TRPM7: variants seen among roughly 807,000 people sequenced by gnomAD.
TRPM7 encodes transient receptor potential cation channel subfamily M member 7.
Under a neutral mutation model 229.7 loss-of-function variants are expected in TRPM7, and 134 were observed. That is an observed-to-expected ratio of 0.58 (90% confidence interval 0.51 to 0.67). The LOEUF (loss-of-function observed/expected upper bound fraction) is 0.67. TRPM7 is among the 30% of genes least tolerant of loss of function. The pLI, the probability that TRPM7 is intolerant of heterozygous loss-of-function variation, is 0.00. For synonymous variants in TRPM7, 699 were observed against 715.2 expected (o/e 0.98, Z 0.36); for missense variants, 1,901 against 2,210.0 (o/e 0.86, Z 2.80).
intron 9 of TRPM7, 44 bp from the exon 10 acceptor site, chr15:50,631,533 A>T: frequency 7.5e-7 from 1 of 1,340,762 alleles, no homozygotes; most frequent in Non-Finnish European, 1.1e-6. Context: ...TATATTTTTA[A>T]AACAAAGGCA....
chr15:50,566,515 G>A (rs2053605524), intron 38 of TRPM7, among the ~76,000 whole-genome samples: 1 of 152,016 alleles, frequency 6.6e-6, no homozygotes, highest in Non-Finnish European at 1.5e-5. Context: ...GGCCAACATG[G>A]TGAAACCCTG....
chr15:50,581,217 GGCCGGGTACGGTGGCTCAC>G (rs1337954594), intron 29 of TRPM7, among the ~76,000 whole-genome samples: 3 of 151,930 alleles, frequency 2.0e-5, no homozygotes, highest in Non-Finnish European at 4.4e-5. Context: ...ATATATTTGT[GGCCGGGTACGGTGGCTCAC>G]ACCTATAATC....
intron 1 of TRPM7, among the ~76,000 whole-genome samples, chr15:50,685,205 G>A (rs2062330052): frequency 6.6e-6 from 1 of 152,222 alleles, no homozygotes; most frequent in Non-Finnish European, 1.5e-5. Flanking sequence ...GCTCACGCCT[G>A]TAATCCCAGG....
chr15:50,621,226 C>A (rs896996628), intron 12 of TRPM7, among the ~76,000 whole-genome samples: 2 of 151,134 alleles, frequency 1.3e-5, no homozygotes, highest in African/African-American at 4.9e-5. Context: ...GTTCTCTCTG[C>A]CAATTCTCCC....
At chr15:50,654,360 T>C (rs991076824) in intron 3 of TRPM7, among the ~76,000 whole-genome samples, 10 of 151,020 alleles carry the variant, frequency 6.6e-5, no homozygotes, top group African/African-American at 1.9e-4. Flanking sequence ...GGCAGGAGAA[T>C]TGCTTGAACC....
At chr15:50,587,247 ATCTATATGC>A (rs1284224944) in intron 27 of TRPM7, among the ~76,000 whole-genome samples, 1 of 152,050 alleles carries the variant, frequency 6.6e-6, no homozygotes, top group East Asian at 1.9e-4. Flanking sequence ...CAACAAGGTT[ATCTATATGC>A]TCACTATTTT....
chr15:50,606,940 C>A (rs2059932746), intron 20 of TRPM7, among the ~76,000 whole-genome samples: 13 of 151,884 alleles, frequency 8.6e-5, no homozygotes, highest in Non-Finnish European at 1.5e-5. Flanking sequence ...AACAAACAAA[C>A]AAAATACAGG....
At position 50,635,872 on chromosome 15, in the gene TRPM7, G is replaced by A. The variant is rs78216800; in HGVS notation, c.833-1316C>T. Among the ~76,000 whole-genome samples, 319 of 151,702 alleles carry A rather than the reference G, an allele frequency of 2.1e-3. 9 individuals are homozygous for A. The East Asian group carries it at 0.039, about 19-fold the overall frequency. On this transcript the variant is annotated intron_variant, in intron 7 of 38. Coordinates refer to ENST00000646667, the MANE Select transcript of TRPM7 (RefSeq NM_017672.6). Reference sequence around the variant, plus strand: ...CGAGTGCCTGTAATCCTAGCTACTCGGGAGGCTGAGGGATGAGAATCGCTT... The same window carrying A: ...CGAGTGCCTGTAATCCTAGCTACTCAGGAGGCTGAGGGATGAGAATCGCTT...
intron 1 of TRPM7, among the ~76,000 whole-genome samples, chr15:50,685,000 T>C (rs1026811950): frequency 6.6e-6 from 1 of 152,266 alleles, no homozygotes; most frequent in South Asian, 2.1e-4. Flanking sequence ...CTTGTCTTTT[T>C]AGACATAAAC....
In TRPM7 at chr15:50,678,246, A is replaced by AAAAAAC. The variant is rs1259251319; in HGVS notation, c.3+8279_3+8284dup. ...CAGAGTGAGACTCTCTCTCAAAAAAAAAAAACAAAAACAAAAACAAAAACA... is the reference window on the plus strand; with the variant it reads ...CAGAGTGAGACTCTCTCTCAAAAAAAAAAAACAAAAACAAAAACAAAAACAAAAACA... On this transcript the variant is annotated intron_variant, in intron 1 of 38. Coordinates refer to ENST00000646667, the MANE Select transcript of TRPM7 (RefSeq NM_017672.6). Among the ~76,000 whole-genome samples, 61 of 142,546 alleles carry AAAAAAC rather than the reference A, an allele frequency of 4.3e-4. 5 individuals are homozygous for AAAAAAC. The highest frequency in any genetic ancestry group is 8.2e-4 in the East Asian group (4 of 4,886). 93.5% of individuals were successfully genotyped at this position (142,546 alleles called of 152,430 possible). A position where few individuals can be genotyped will look rare whatever the true frequency, so the allele number is the denominator to read the frequency against.
chr15:50,585,053 T>TTG (rs1335497494), intron 28 of TRPM7, among the ~76,000 whole-genome samples: 2 of 137,070 alleles, frequency 1.5e-5, no homozygotes, highest in Non-Finnish European at 3.1e-5. Flanking sequence ...TTTTTGTATT[T>TTG]TTTTTTTTTT....
At chr15:50,671,804 G>GA (rs908226837) in intron 1 of TRPM7, among the ~76,000 whole-genome samples, 5 of 147,464 alleles carry the variant, frequency 3.4e-5, no homozygotes, top group South Asian at 2.1e-4. Context: ...AACTTGTCTC[G>GA]AAAAAAAAAA....
intron 19 of TRPM7, among the ~76,000 whole-genome samples, chr15:50,608,317 T>C (rs758142611): frequency 3.1e-4 from 47 of 152,294 alleles, no homozygotes; most frequent in Non-Finnish European, 5.6e-4. Flanking sequence ...CCACACTTAT[T>C]GACCCTTGAA....
chr15:50,654,073 C>A (rs1248701412), intron 3 of TRPM7, among the ~76,000 whole-genome samples: 1 of 152,130 alleles, frequency 6.6e-6, no homozygotes, highest in Non-Finnish European at 1.5e-5. Context: ...AAGAATCTAT[C>A]AAAAATTAAT....
At chr15:50,598,616 G>C (rs1189001882) in intron 22 of TRPM7, among the ~76,000 whole-genome samples, 2 of 152,196 alleles carry the variant, frequency 1.3e-5, no homozygotes, top group Admixed American at 6.5e-5. Context: ...CCATTTTAGA[G>C]ATAGGCAGGC....
In TRPM7 at chr15:50,631,446, T is replaced by C. The variant is rs759464537; in HGVS notation, c.1175A>G (p.Asp392Gly). The change falls in exon 10 of 39, where the codon GAT becomes GGT. Residue 392 changes from aspartate to glycine, a missense_variant. Physicochemically the swap from Asp to Gly is moderately conservative, Grantham distance 94 (BLOSUM62 -1). Coordinates refer to ENST00000646667, the MANE Select transcript of TRPM7 (RefSeq NM_017672.6). The part of the protein sequence containing the change: ...HIGSDEHQDI[D>G]VAILTALLKG... ...TAGCAGTGCAGTAAGTATTGCTACA[T>C]CTATATCTTGATGTTCATCTGACCC... The C allele has an allele frequency of 6.2e-7, 1 of 1,610,802 alleles. No homozygotes were observed. The highest frequency in any genetic ancestry group is 1.1e-5 in the South Asian group (1 of 90,812).
Position 50,586,479 on chromosome 15 carries a change from T to C in TRPM7, c.4399A>G (p.Thr1467Ala). Residue 1467 changes from threonine to alanine, a missense_variant, in exon 28 of 39, where the codon ACT (threonine) becomes GCT (alanine). Transcript: ENST00000646667. Reference sequence around the variant, plus strand: ...ACTCGTTTCAAAGTGTTTTCAGAAGTATTGTTATTCTGCAAATATTGTGCA... The same window carrying C: ...ACTCGTTTCAAAGTGTTTTCAGAAGCATTGTTATTCTGCAAATATTGTGCA... ...NKIKILSNNNTSENTLKRVSS... is the reference protein window; with the variant it reads ...NKIKILSNNNASENTLKRVSS... 1 of 1,607,362 alleles carries C rather than the reference T, an allele frequency of 6.2e-7. No individual in the cohort carries two copies. The highest frequency in any genetic ancestry group is 8.5e-7 in the Non-Finnish European group (1 of 1,174,318).
At chr15:50,566,609 T>TGG (rs2053608647) in intron 38 of TRPM7, among the ~76,000 whole-genome samples, 1 of 152,074 alleles carries the variant, frequency 6.6e-6, no homozygotes, top group Non-Finnish European at 1.5e-5. Context: ...AGCAGGAGAA[T>TGG]CGTTTGAACC....
At chr15:50,630,712 AC>A (rs777740485) in intron 10 of TRPM7, among the ~76,000 whole-genome samples, 6 of 152,158 alleles carry the variant, frequency 3.9e-5, no homozygotes, top group Non-Finnish European at 7.3e-5. Context: ...TCTTGCTGTC[AC>A]CCAGGCTGGA....
Sources: allele counts gnomAD v4.1 joint callset (sites outside exome capture counted in the v4.1 genomes callset), GRCh38; gene constraint gnomAD v4.1.1; transcripts MANE v1.5; gene names NCBI Gene and HGNC (gene_info 2026-07-23, HGNC 2026-07-21).